SNTG1: variants seen among roughly 807,000 people sequenced by gnomAD.
SNTG1 encodes the protein gamma-1-syntrophin.
A neutral mutation model predicts 74.7 loss-of-function variants in SNTG1; 39 were observed. The observed-to-expected ratio is 0.52, with a 90% CI of 0.40 to 0.68. The LOEUF (loss-of-function observed/expected upper bound fraction) is 0.68, where lower values mean the gene tolerates loss of function less well. SNTG1 is among the 30% of genes least tolerant of loss of function. SNTG1 has a pLI of 0.00. For missense variants in SNTG1, 685 were observed against 609.5 expected, an observed-to-expected ratio of 1.12 and a Z score of -1.30; for synonymous variants, 254 against 217.1, an observed-to-expected ratio of 1.17 and a Z score of -1.49.
intron 2 of SNTG1, among the ~76,000 whole-genome samples, chr8:50,279,716 A>G (rs908120167): frequency 3.3e-5 from 5 of 152,204 alleles, no homozygotes; most frequent in African/African-American, 7.2e-5. Flanking sequence ...ATAAATTACT[A>G]TATTGCCAGA....
chr8:50,448,391 T>A (rs1378157324), intron 5 of SNTG1, among the ~76,000 whole-genome samples: 1 of 152,192 alleles, frequency 6.6e-6, no homozygotes, highest in Non-Finnish European at 1.5e-5. Flanking sequence ...CAATTCAGTG[T>A]TAAAAATGGG....
At chr8:50,273,858 G>T (rs1259600154) in intron 2 of SNTG1, among the ~76,000 whole-genome samples, 1 of 152,130 alleles carries the variant, frequency 6.6e-6, no homozygotes, top group African/African-American at 2.4e-5. Context: ...GATATTTAAT[G>T]GAGGATGTCC....
At position 50,313,731 on chromosome 8, in the gene SNTG1, G is replaced by T. The variant is rs143676085; in HGVS notation, c.-27-80481G>T. Among the ~76,000 whole-genome samples the T allele has an allele frequency of 9.7e-3, 1,461 of 149,850 alleles. 35 individuals are homozygous for T. The highest frequency in any genetic ancestry group is 0.031 in the Middle Eastern group (9 of 292). On this transcript the variant is annotated intron_variant, in intron 2 of 18. Coordinates refer to ENST00000642720, the MANE Select transcript of SNTG1 (RefSeq NM_018967.5). Reference sequence around the variant, plus strand: ...TATCTTTTATATACTTGCAGCTACTGTAAATTATTTTATTCTGGAGAACCT... The same window carrying T: ...TATCTTTTATATACTTGCAGCTACTTTAAATTATTTTATTCTGGAGAACCT...
At chr8:50,132,546 G>C (rs1466039438) in intron 1 of SNTG1, among the ~76,000 whole-genome samples, 3 of 152,136 alleles carry the variant, frequency 2.0e-5, no homozygotes, top group African/African-American at 7.2e-5. Flanking sequence ...TCCCAGGCAA[G>C]TCTGAAATCC....
intron 2 of SNTG1, among the ~76,000 whole-genome samples, chr8:50,262,934 G>T (rs1207163839): frequency 6.6e-6 from 1 of 152,122 alleles, no homozygotes; most frequent in Non-Finnish European, 1.5e-5. Flanking sequence ...GGGATTAGAG[G>T]AAAGAGAGAG....
chr8:50,132,317 A>G (rs770390681), intron 1 of SNTG1, among the ~76,000 whole-genome samples: 3 of 152,114 alleles, frequency 2.0e-5, no homozygotes, highest in Non-Finnish European at 4.4e-5. Flanking sequence ...TCTTATCTAT[A>G]TATCATCAAA....
At chr8:50,661,817 C>T (rs2095225350) in intron 15 of SNTG1, among the ~76,000 whole-genome samples, 2 of 152,052 alleles carry the variant, frequency 1.3e-5, no homozygotes, top group African/African-American at 2.4e-5. Context: ...TGTAAATCTA[C>T]CTTCAATTGT....
intron 9 of SNTG1, among the ~76,000 whole-genome samples, chr8:50,521,600 T>A (rs1038435092): frequency 3.9e-5 from 6 of 152,162 alleles, no homozygotes; most frequent in African/African-American, 1.2e-4. Context: ...CATTAACTCT[T>A]CCTTTCATGA....
intron 4 of SNTG1, among the ~76,000 whole-genome samples, chr8:50,434,968 T>G (rs2093285642): frequency 6.6e-6 from 1 of 152,250 alleles, no homozygotes; most frequent in African/African-American, 2.4e-5. Context: ...AAAATTTCAA[T>G]ACCTGAGATA....
chr8:50,188,917 G>C (rs551677232), intron 2 of SNTG1, among the ~76,000 whole-genome samples: 30 of 152,226 alleles, frequency 2.0e-4, no homozygotes, highest in Admixed American at 7.9e-4. Context: ...ACTCTATCAT[G>C]AAACCCAAGA....
At chr8:50,240,441 T>C (rs770755156) in intron 2 of SNTG1, among the ~76,000 whole-genome samples, 4 of 152,250 alleles carry the variant, frequency 2.6e-5, no homozygotes, top group Admixed American at 1.3e-4. Flanking sequence ...TAAGTCTCTT[T>C]AGTTACATTT....
At chr8:50,562,904 T>C (rs1040151689) in intron 12 of SNTG1, among the ~76,000 whole-genome samples, 1 of 152,170 alleles carries the variant, frequency 6.6e-6, no homozygotes, top group African/African-American at 2.4e-5. Flanking sequence ...ACTGACATCA[T>C]CAGAGAAACA....
intron 1 of SNTG1, among the ~76,000 whole-genome samples, chr8:50,112,112 C>T (rs1367581268): frequency 7.3e-5 from 11 of 151,648 alleles, no homozygotes; most frequent in Admixed American, 7.2e-4. Flanking sequence ...TTTTCATCAT[C>T]CAAAGAATTT....
chr8:50,740,092 C>T (rs2095539387), intron 17 of SNTG1, among the ~76,000 whole-genome samples: 2 of 151,912 alleles, frequency 1.3e-5, no homozygotes, highest in Admixed American at 6.6e-5. Flanking sequence ...ATGCCAAAAG[C>T]AATTACAACA....
At chr8:50,209,727 C>T (rs1157897640) in intron 2 of SNTG1, among the ~76,000 whole-genome samples, 1 of 152,114 alleles carries the variant, frequency 6.6e-6, no homozygotes, top group Non-Finnish European at 1.5e-5. Flanking sequence ...TGTACGTCAC[C>T]ATCATCAAAG....
intron 2 of SNTG1, among the ~76,000 whole-genome samples, chr8:50,293,647 C>T (rs1335650366): frequency 4.6e-5 from 7 of 151,946 alleles, no homozygotes; most frequent in African/African-American, 1.2e-4. Context: ...TGACCTGAAG[C>T]GATCCACCTG....
At chr8:50,202,354 TC>T (rs1470219671) in intron 2 of SNTG1, among the ~76,000 whole-genome samples, 1 of 152,100 alleles carries the variant, frequency 6.6e-6, no homozygotes, top group Non-Finnish European at 1.5e-5. Context: ...TCTCCTGTCC[TC>T]CCCTCCTTCC....
chr8:49,970,736 AACC>A (rs1811588917), intron 1 of SNTG1, among the ~76,000 whole-genome samples: 1 of 152,158 alleles, frequency 6.6e-6, no homozygotes, highest in Non-Finnish European at 1.5e-5. Context: ...GAGACTGGCA[AACC>A]ACTTATTTTT....
chr8:50,579,036 A>G (rs2094593351), intron 12 of SNTG1, among the ~76,000 whole-genome samples: 1 of 152,182 alleles, frequency 6.6e-6, no homozygotes, highest in South Asian at 2.1e-4. Flanking sequence ...GGAACTTCCT[A>G]GAGACTTAGA....
Sources: allele counts gnomAD v4.1 joint callset (sites outside exome capture counted in the v4.1 genomes callset), GRCh38; gene constraint gnomAD v4.1.1; transcripts MANE v1.5; gene names NCBI Gene and HGNC (gene_info 2026-07-23, HGNC 2026-07-21).